ADAMTSL1: variants seen among roughly 807,000 people sequenced by gnomAD.
ADAMTSL1 encodes the protein ADAMTS-like protein 1.
A neutral mutation model predicts 201.8 loss-of-function variants in ADAMTSL1; 126 were observed. The observed-to-expected ratio is 0.62, with a 90% CI of 0.54 to 0.72. The LOEUF (loss-of-function observed/expected upper bound fraction) is 0.72. ADAMTSL1 is among the 30% of genes least tolerant of loss of function. The probability of loss-of-function intolerance (pLI) is 0.00; values close to 1 mark genes in which losing one functional copy is unlikely to be tolerated. For synonymous variants in ADAMTSL1, 1,121 were observed against 903.4 expected (o/e 1.24, Z -4.32); for missense variants, 2,679 against 2,277.8 (o/e 1.18, Z -3.59).
At chr9:17,994,579 A>T (rs953091359) in intron 1 of ADAMTSL1, among the ~76,000 whole-genome samples, 3 of 152,218 alleles carry the variant, frequency 2.0e-5, no homozygotes, top group African/African-American at 7.2e-5. Flanking sequence ...ACATAACAGA[A>T]TTCACAAATA....
Position 18,770,230 on chromosome 9 carries a change from T to C in ADAMTSL1, c.2218-372T>C, listed in dbSNP as rs542489630. 2.0e-5 allele frequency among the ~76,000 whole-genome samples: 3 copies of C among 152,358 alleles called. 1 individual carries two copies. The highest frequency in any genetic ancestry group is 4.1e-4 in the South Asian group (2 of 4,826). ...GGCGGGAGCTCTCTCCTGTTCATTC[T>C]GGAAGCAGCACAGATTATTTTCCCT... On this transcript the variant is annotated intron_variant, in intron 16 of 28. Coordinates refer to ENST00000380548, the MANE Select transcript of ADAMTSL1 (RefSeq NM_001040272.6).
intron 2 of ADAMTSL1, among the ~76,000 whole-genome samples, chr9:18,381,358 G>A (rs1381990793): frequency 6.6e-6 from 1 of 152,082 alleles, no homozygotes; most frequent in Non-Finnish European, 1.5e-5. Context: ...CTTTGTCCCA[G>A]GTACTGTTTG....
At chr9:18,350,337 G>A (rs180843840) in intron 2 of ADAMTSL1, among the ~76,000 whole-genome samples, 16 of 152,058 alleles carry the variant, frequency 1.1e-4, no homozygotes, top group Non-Finnish European at 2.4e-4. Flanking sequence ...AGGGCAGGGG[G>A]GAAAAAGAGG....
intron 8 of ADAMTSL1, among the ~76,000 whole-genome samples, chr9:18,658,263 C>T (rs1340017603): frequency 6.6e-6 from 1 of 152,264 alleles, no homozygotes; most frequent in East Asian, 1.9e-4. Context: ...CGTGAGCCAC[C>T]GTGCCCGACC....
chr9:18,547,804 G>T, intron 3 of ADAMTSL1, among the ~76,000 whole-genome samples: 1 of 151,762 alleles, frequency 6.6e-6, no homozygotes, highest in African/African-American at 2.4e-5. Context: ...TCTTCATTAT[G>T]GATTAAAACC....
chr9:18,866,918 C>G (rs556932901), intron 23 of ADAMTSL1, among the ~76,000 whole-genome samples: 75 of 152,298 alleles, frequency 4.9e-4, no homozygotes, highest in African/African-American at 1.5e-3. Flanking sequence ...GCCAGGATGG[C>G]TTGCTGTACA....
At chr9:17,968,927 T>C (rs1454750958) in intron 1 of ADAMTSL1, among the ~76,000 whole-genome samples, 2 of 152,092 alleles carry the variant, frequency 1.3e-5, no homozygotes, top group Non-Finnish European at 2.9e-5. Context: ...GTACTGGTTT[T>C]TAATTGCATC....
intron 2 of ADAMTSL1, among the ~76,000 whole-genome samples, chr9:18,413,742 C>T (rs1344736235): frequency 6.6e-6 from 1 of 152,158 alleles, no homozygotes; most frequent in Non-Finnish European, 1.5e-5. Context: ...GTTGTAGCTT[C>T]AAAGTCTTGG....
At chr9:18,122,274 A>G (rs1346596136) in intron 1 of ADAMTSL1, among the ~76,000 whole-genome samples, 3 of 152,330 alleles carry the variant, frequency 2.0e-5, no homozygotes, top group Middle Eastern at 3.4e-3. Context: ...CTACATATCC[A>G]TGACTCATGA....
chr9:18,042,589 C>T (rs1030771020), intron 1 of ADAMTSL1, among the ~76,000 whole-genome samples: 1 of 152,144 alleles, frequency 6.6e-6, no homozygotes, highest in African/African-American at 2.4e-5. Context: ...TATTCTGCCT[C>T]TGTTTAGTCA....
intron 3 of ADAMTSL1, among the ~76,000 whole-genome samples, chr9:18,555,249 A>C (rs1194640492): frequency 6.6e-6 from 1 of 151,898 alleles, no homozygotes; most frequent in Non-Finnish European, 1.5e-5. Context: ...GTTAGAATGG[A>C]AAGTTCAACA....
Position 18,868,019 on chromosome 9 carries a change from A to G in ADAMTSL1, c.4250-19812A>G, listed in dbSNP as rs548858689. Among the ~76,000 whole-genome samples, 7 of 152,074 alleles carry G rather than the reference A, an allele frequency of 4.6e-5. No individual in the cohort carries two copies. The South Asian group carries it at 1.5e-3, about 32-fold the overall frequency. On this transcript the variant is annotated intron_variant, in intron 23 of 28. Coordinates refer to ENST00000380548, the MANE Select transcript of ADAMTSL1 (RefSeq NM_001040272.6). ...TATTTGACTACTTGATTTTTTTTCT[A>G]GTCTTTTTACTCTCTCTGCTTTACT...
At chr9:17,930,254 T>G (rs571378059) in intron 1 of ADAMTSL1, among the ~76,000 whole-genome samples, 1 of 152,296 alleles carries the variant, frequency 6.6e-6, no homozygotes, top group East Asian at 1.9e-4. Flanking sequence ...TGATGGAGTC[T>G]CTGCCGTCTT....
intron 1 of ADAMTSL1, among the ~76,000 whole-genome samples, chr9:18,059,246 G>T (rs537756174): frequency 7.2e-5 from 11 of 152,128 alleles, no homozygotes; most frequent in Non-Finnish European, 1.2e-4. Context: ...TTAACTCCTT[G>T]CAAAGGTAGG....
chr9:18,771,443 T>G (rs1820682154), intron 17 of ADAMTSL1, among the ~76,000 whole-genome samples: 1 of 152,228 alleles, frequency 6.6e-6, no homozygotes, highest in South Asian at 2.1e-4. Context: ...CCTCTCCTAA[T>G]TCTAGCGTAC....
At chr9:18,669,862 T>A (rs949152714) in intron 9 of ADAMTSL1, among the ~76,000 whole-genome samples, 5 of 152,158 alleles carry the variant, frequency 3.3e-5, no homozygotes, top group African/African-American at 1.2e-4. Context: ...CAAACCTTGA[T>A]GTAAGGTATT....
At chr9:18,492,231 A>G (rs1189153185) in intron 1 of ADAMTSL1, among the ~76,000 whole-genome samples, 2 of 152,216 alleles carry the variant, frequency 1.3e-5, no homozygotes, top group African/African-American at 4.8e-5. Context: ...CAGGAAGAAA[A>G]AAACATCATT....
chr9:18,378,656 C>T (rs887199509), intron 2 of ADAMTSL1, among the ~76,000 whole-genome samples: 3 of 152,158 alleles, frequency 2.0e-5, no homozygotes, highest in East Asian at 1.9e-4. Flanking sequence ...ATCAGCTTTC[C>T]CTCCTTCTTC....
At chr9:18,658,162 G>A (rs1323684340) in intron 8 of ADAMTSL1, among the ~76,000 whole-genome samples, 2 of 152,136 alleles carry the variant, frequency 1.3e-5, no homozygotes, top group African/African-American at 4.8e-5. Flanking sequence ...TTTTAGTACG[G>A]ACGGGGTTTC....
Sources: allele counts gnomAD v4.1 joint callset (sites outside exome capture counted in the v4.1 genomes callset), GRCh38; gene constraint gnomAD v4.1.1; transcripts MANE v1.5; gene names NCBI Gene and HGNC (gene_info 2026-07-23, HGNC 2026-07-21).